The following FBXO43 variants were observed in gnomAD, a reference collection of about 807,000 sequenced individuals.
The protein encoded by FBXO43 is F-box protein 43, also known as F-box only protein 43.
A neutral mutation model predicts 56.7 loss-of-function variants in FBXO43; 22 were observed. The ratio of observed to expected loss-of-function variants is 0.39; its 90% CI spans 0.28 to 0.55. The LOEUF is 0.55. Ranked by LOEUF, FBXO43 falls within the 20% of genes least tolerant of loss-of-function variation. The pLI is 0.66. For missense variants in FBXO43, 733 were observed against 814.9 expected (o/e 0.90, Z 1.22); for synonymous variants, 306 against 294.5 (o/e 1.04, Z -0.40).
chr8:100,140,758 G>A lies in FBXO43; in HGVS notation c.1496C>T (p.Thr499Ile), dbSNP rs1252762696. The change falls in exon 2 of 5, where the codon ACA (threonine) becomes ATA (isoleucine). Residue 499 changes from threonine to isoleucine, a missense_variant. Thr to Ile is a moderately conservative substitution (Grantham distance 89). Coordinates refer to ENST00000428847, the MANE Select transcript of FBXO43 (RefSeq NM_001029860.4). ...KMGIEKLDIL[T>I]ELKYRNLKHI... Reference sequence around the variant, plus strand: ...CTTTAAATTTCTATATTTTAATTCTGTTAAGATGTCCAGTTTTTCTATACC... The same window carrying A: ...CTTTAAATTTCTATATTTTAATTCTATTAAGATGTCCAGTTTTTCTATACC... 6.2e-7 allele frequency: 1 copy of A among 1,613,608 alleles called. No homozygotes were observed. The highest frequency in any genetic ancestry group is 2.2e-5 in the East Asian group (1 of 44,888).
rs540307566 is a variant in FBXO43 at position 100,139,169 on chromosome 8, C to G, written c.1572-1502G>C. On this transcript the variant is annotated intron_variant, in intron 2 of 4. Transcript: ENST00000428847. ...ACTTCTCTGGGGCTCATTTCCTCAT[C>G]TGCAAAACATGTGAACTAGATACCT... Among the ~76,000 whole-genome samples, 23 of 152,264 alleles carry G rather than the reference C, an allele frequency of 1.5e-4. No homozygotes were observed. In the East Asian group the frequency reaches 4.4e-3, roughly 29 times the overall value.
At chr8:100,137,529 T>C (rs770657690) in intron 3 of FBXO43, 36 bp downstream of exon 3, 7 of 1,384,382 alleles carry the variant, frequency 5.1e-6, no homozygotes, top group East Asian at 2.3e-5. Flanking sequence ...TATGTATTTA[T>C]ACAAATCCAT....
intron 4 of FBXO43, 47 bp from the exon 5 acceptor site, chr8:100,134,097 A>G: frequency 1.2e-6 from 2 of 1,605,150 alleles, no homozygotes; most frequent in Non-Finnish European, 1.7e-6. Context: ...CATATAGAGG[A>G]GCACTTTATT....
rs556409048 is a variant in FBXO43 at position 100,144,985 on chromosome 8, C to T, written c.85+66G>A. ...GAAAAAAAAGAAAAAGCACCTACCACATCAGAGAATGAAGTACTTACATTA... is the reference window on the plus strand; with the variant it reads ...GAAAAAAAAGAAAAAGCACCTACCATATCAGAGAATGAAGTACTTACATTA... On this transcript the variant is annotated intron_variant, in intron 1 of 4. Coordinates refer to ENST00000428847, the MANE Select transcript of FBXO43 (RefSeq NM_001029860.4). 180 of 1,495,656 alleles carry T rather than the reference C, an allele frequency of 1.2e-4. No individual in the cohort carries two copies. In the African/African-American group the frequency reaches 2.4e-3, roughly 20 times the overall value. 92.6% of individuals were successfully genotyped at this position (1,495,656 alleles called of 1,614,324 possible).
chr8:100,137,777 T>C (rs1015856554), intron 2 of FBXO43, 110 bp from the exon 3 acceptor site: 28 of 715,122 alleles, frequency 3.9e-5, no homozygotes, highest in Non-Finnish European at 1.9e-5. Context: ...GGGCAGTAAA[T>C]TTAAACCTAA....
upstream of FBXO43, among the ~76,000 whole-genome samples, chr8:100,146,451 A>T (rs1226139009): frequency 6.6e-6 from 1 of 152,214 alleles, no homozygotes; most frequent in Non-Finnish European, 1.5e-5. Flanking sequence ...ATTTTTAAAA[A>T]ATCTATTCAT....
chr8:100,140,558 C>G (rs775083547), intron 2 of FBXO43, 125 bp downstream of exon 2: 31 of 742,140 alleles, frequency 4.2e-5, no homozygotes, highest in Non-Finnish European at 5.7e-5. Flanking sequence ...CTTAAACTAT[C>G]TTTGATATAA....
chr8:100,143,329 A>G (rs1263766452), intron 1 of FBXO43, among the ~76,000 whole-genome samples: 4 of 152,210 alleles, frequency 2.6e-5, no homozygotes, highest in Non-Finnish European at 5.9e-5. Context: ...TGCGACAGTA[A>G]TTTATTTATG....
Position 100,133,900 on chromosome 8 carries a change from C to G in FBXO43, c.2029G>C (p.Gly677Arg). Residue 677 changes from glycine (G) to arginine (R), a missense_variant, in exon 5 of 5, where the codon GGG (glycine) becomes CGG (arginine). By Grantham distance (125) the Gly-to-Arg change is moderately radical. Transcript: ENST00000428847. ...GCTCCTCTACTACATTCTTCAGACCCATGATAAGCACACAGACATAACACA... is the reference window on the plus strand; with the variant it reads ...GCTCCTCTACTACATTCTTCAGACCGATGATAAGCACACAGACATAACACA... ...FCVLCLCAYH[G>R]SEECSRGAAK... 1 of 1,614,166 alleles carries G rather than the reference C, an allele frequency of 6.2e-7. No homozygotes were observed. Among genetic ancestry groups the G allele is most frequent in the Non-Finnish European group, 8.5e-7 (1 of 1,180,036 alleles).
In FBXO43 at chr8:100,141,306, T is replaced by C; in HGVS notation, c.948A>G (p.Gln316=). ...LVANIRFNAS[Q]ILSPSPEVRG... is the part of the protein sequence containing the mutation. ...TCACTTCAGGTGAAGGAGAAAGTAT[T>C]TGACTTGCGTTAAATCTAATGTTTG... Residue 316 remains glutamine, a synonymous_variant, in exon 2 of 5, where the codon CAA becomes CAG. Coordinates refer to ENST00000428847, the MANE Select transcript of FBXO43 (RefSeq NM_001029860.4). 6.2e-7 allele frequency: 1 copy of C among 1,614,084 alleles called. No individual in the cohort carries two copies. The highest frequency in any genetic ancestry group is 8.5e-7 in the Non-Finnish European group (1 of 1,180,050).
At chr8:100,143,614 T>C (rs1438840192) in intron 1 of FBXO43, among the ~76,000 whole-genome samples, 1 of 151,570 alleles carries the variant, frequency 6.6e-6, no homozygotes, top group Non-Finnish European at 1.5e-5. Context: ...AATTTTGTTA[T>C]ATTTTTAAAC....
At chr8:100,148,703 G>A (rs532826378), upstream of FBXO43, among the ~76,000 whole-genome samples, 3 of 152,288 alleles carry the variant, frequency 2.0e-5, no homozygotes, top group East Asian at 5.8e-4. Flanking sequence ...GTGAGCCACG[G>A]TGCCCAGCCC....
chr8:100,137,341 T>A, intron 3 of FBXO43: 1 of 375,646 alleles, frequency 2.7e-6, no homozygotes, highest in East Asian at 6.5e-5. Flanking sequence ...ATTACAGGCG[T>A]GAGCCACCGC....
At chr8:100,146,154 C>A (rs189060823), upstream of FBXO43, among the ~76,000 whole-genome samples, 51 of 152,190 alleles carry the variant, frequency 3.4e-4, no homozygotes, top group South Asian at 2.1e-4. Flanking sequence ...TACAAACTGA[C>A]CCCTTTTAGG....
rs762253485 is a variant in FBXO43, at chr8:100,142,137, G to A, written c.117C>T (p.His39=). ...ETEILKMSQR[H]SGQAGTEAGN... is the part of the protein sequence containing the mutation. ...CTGCTTCAGTGCCAGCTTGACCTGA[G>A]TGCCTTTGCGACATCTTCAAAATCT... is the stretch of plus-strand genomic sequence containing the variant. Residue 39 remains histidine (H), a synonymous_variant, in exon 2 of 5, where the codon CAC becomes CAT. Transcript: ENST00000428847. 3 of 1,576,714 alleles carry A rather than the reference G, an allele frequency of 1.9e-6. No individual in the cohort carries two copies. The highest frequency in any genetic ancestry group is 2.6e-6 in the Non-Finnish European group (3 of 1,165,384).
Position 100,134,280 on chromosome 8 carries a change from T to C in FBXO43, c.1759A>G (p.Arg587Gly). 1 of 1,614,164 alleles carries C rather than the reference T, an allele frequency of 6.2e-7. No homozygotes were observed. The highest frequency in any genetic ancestry group is 8.5e-7 in the Non-Finnish European group (1 of 1,180,020). Residue 587 changes from arginine (R) to glycine (G), a missense_variant, in exon 4 of 5, where the codon AGG (arginine) becomes GGG (glycine). Physicochemically the swap from Arg to Gly is moderately radical, Grantham distance 125. Coordinates refer to ENST00000428847, the MANE Select transcript of FBXO43 (RefSeq NM_001029860.4). ...SALRSVQAQARIPGSQREQGS... is the reference protein window; with the variant it reads ...SALRSVQAQAGIPGSQREQGS... ...TGCTCTCTCTGAGAACCAGGTATCC[T>C]AGCCTGTGCCTGCACAGATCTTAAA...
chr8:100,146,242 G>C (rs1252786587), upstream of FBXO43, among the ~76,000 whole-genome samples: 2 of 152,170 alleles, frequency 1.3e-5, no homozygotes, highest in African/African-American at 4.8e-5. Flanking sequence ...ACAGGATTAT[G>C]TTTGCTTTTT....
intron 3 of FBXO43, among the ~76,000 whole-genome samples, chr8:100,135,481 T>C (rs1214157907): frequency 1.3e-5 from 2 of 152,100 alleles, no homozygotes; most frequent in African/African-American, 2.4e-5. Context: ...TTTTAAACCA[T>C]GTATTACTTT....
chr8:100,143,740 T>C (rs1814728225), intron 1 of FBXO43, among the ~76,000 whole-genome samples: 1 of 152,232 alleles, frequency 6.6e-6, no homozygotes, highest in African/African-American at 2.4e-5. Flanking sequence ...TTTCACTCAA[T>C]TTGCGTCACA....
Sources: allele counts gnomAD v4.1 joint callset (sites outside exome capture counted in the v4.1 genomes callset), GRCh38; gene constraint gnomAD v4.1.1; transcripts MANE v1.5; gene names NCBI Gene and HGNC (gene_info 2026-07-23, HGNC 2026-07-21).